Variants in HERC4 observed in about 807,000 individuals in gnomAD.
The protein encoded by HERC4 is probable E3 ubiquitin-protein ligase HERC4.
HERC4 carries 28 observed loss-of-function variants against 124.3 expected under a neutral mutation model. The observed-to-expected ratio is 0.23, with a 90% CI of 0.17 to 0.31. HERC4 has a LOEUF of 0.31. Among genes scored for constraint, HERC4 ranks in the 10% least tolerant of loss-of-function variants. The probability of loss-of-function intolerance (pLI) is 1.00; values close to 1 mark genes in which losing one functional copy is unlikely to be tolerated. For synonymous variants in HERC4, 407 were observed against 421.5 expected (o/e 0.97, Z 0.42); for missense variants, 713 against 1,229.3 (o/e 0.58, Z 6.28).
chr10:68,047,854 A>G (rs192909168), intron 3 of HERC4, among the ~76,000 whole-genome samples: 32 of 152,318 alleles, frequency 2.1e-4, no homozygotes, highest in Non-Finnish European at 3.7e-4. Flanking sequence ...TACTCTTACC[A>G]TATGACCCAA....
intron 22 of HERC4, among the ~76,000 whole-genome samples, chr10:67,934,010 T>C (rs930441865): frequency 6.6e-6 from 1 of 152,226 alleles, no homozygotes. Flanking sequence ...AACTCTGTCC[T>C]GCACTTCTCT....
At chr10:68,021,396 C>T (rs1357527892) in intron 8 of HERC4, among the ~76,000 whole-genome samples, 1 of 152,218 alleles carries the variant, frequency 6.6e-6, no homozygotes. Flanking sequence ...ACACAATCAT[C>T]TGAATTGATG....
intron 18 of HERC4, 99 bp from the exon 19 acceptor site, chr10:67,954,837 TAATA>T (rs2034037056): frequency 8.3e-7 from 1 of 1,209,404 alleles, no homozygotes; most frequent in Admixed American, 2.9e-5. Context: ...ACTCTACAAT[TAATA>T]GTTTAAAATA....
chr10:68,010,136 A>C (rs943829809), intron 9 of HERC4: 1 of 860,580 alleles, frequency 1.2e-6, no homozygotes, highest in Non-Finnish European at 1.8e-6. Flanking sequence ...GCCCTGGCAC[A>C]AACTCCGGGT....
chr10:67,987,617 A>G (rs1419903010), intron 15 of HERC4, among the ~76,000 whole-genome samples: 1 of 152,186 alleles, frequency 6.6e-6, no homozygotes, highest in Non-Finnish European at 1.5e-5. Flanking sequence ...AAACATAAGA[A>G]TGACCTGTTT....
chr10:68,045,680 G>GT (rs1367207181), intron 3 of HERC4, among the ~76,000 whole-genome samples: 1 of 152,122 alleles, frequency 6.6e-6, no homozygotes, highest in African/African-American at 2.4e-5. Flanking sequence ...AGTATCACAA[G>GT]TTTTTTAAAA....
chr10:67,988,067 C>A (rs1192375700), intron 15 of HERC4: 1 of 152,098 alleles, frequency 6.6e-6, no homozygotes, highest in Non-Finnish European at 1.5e-5. Flanking sequence ...GAAAATCCAT[C>A]TTTAATGAAA....
At chr10:68,019,530 G>A (rs1395770594) in intron 8 of HERC4, among the ~76,000 whole-genome samples, 3 of 152,066 alleles carry the variant, frequency 2.0e-5, no homozygotes, top group Non-Finnish European at 2.9e-5. Context: ...GGGGATTCTT[G>A]GAAAATCGTG....
chr10:67,992,639 T>C lies in HERC4; in HGVS notation c.1113A>G (p.Gly371=). The change falls in exon 10 of 25, where the codon GGA becomes GGG. Residue 371 remains glycine (G), a synonymous_variant. Transcript: ENST00000373700. ...YFCVKRIFSG[G]DQSFSHYSSP... Reference sequence around the variant, plus strand: ...TAGAGTAATGTGAAAAGCTTTGATCTCCCCCTGAGAAAATTCTTTTTACAC... The same window carrying C: ...TAGAGTAATGTGAAAAGCTTTGATCCCCCCCTGAGAAAATTCTTTTTACAC... 6.4e-7 allele frequency: 1 copy of C among 1,551,860 alleles called. No homozygotes were observed.
At chr10:68,059,473 T>TTATATATTATAATAATATTA (rs1373731849) in intron 3 of HERC4, among the ~76,000 whole-genome samples, 2 of 131,610 alleles carry the variant, frequency 1.5e-5, no homozygotes, top group African/African-American at 5.7e-5. Context: ...ATATTATATA[T>TTATATATTATAATAATATTA]TATAATATTA....
chr10:67,976,987 G>A (rs527263977), intron 15 of HERC4, among the ~76,000 whole-genome samples: 10 of 152,290 alleles, frequency 6.6e-5, no homozygotes, highest in South Asian at 6.2e-4. Flanking sequence ...CACAAGGACC[G>A]CAACTACTAG....
At chr10:68,009,501 A>C (rs930761117) in intron 9 of HERC4, among the ~76,000 whole-genome samples, 1 of 152,158 alleles carries the variant, frequency 6.6e-6, no homozygotes, top group Non-Finnish European at 1.5e-5. Flanking sequence ...CTTTATTGCT[A>C]AAAAATGCTA....
chr10:67,928,118 CT>C (rs2031352985), intron 23 of HERC4, among the ~76,000 whole-genome samples: 1 of 152,070 alleles, frequency 6.6e-6, no homozygotes, highest in African/African-American at 2.4e-5. Flanking sequence ...AACAAACGCC[CT>C]AAGACTGGAG....
chr10:67,979,223 C>T (rs146779582), intron 15 of HERC4, among the ~76,000 whole-genome samples: 195 of 151,946 alleles, frequency 1.3e-3, no homozygotes, highest in South Asian at 5.4e-3. Flanking sequence ...TTTGAAGAAA[C>T]TCAAAGAAAT....
intron 3 of HERC4, among the ~76,000 whole-genome samples, chr10:68,058,860 G>A (rs2040685631): frequency 1.3e-5 from 2 of 151,942 alleles, no homozygotes; most frequent in Non-Finnish European, 2.9e-5. Context: ...AATTGAATGG[G>A]TAACATATTT....
intron 7 of HERC4, among the ~76,000 whole-genome samples, chr10:68,026,701 G>A (rs563729103): frequency 1.3e-5 from 2 of 152,106 alleles, no homozygotes; most frequent in Non-Finnish European, 2.9e-5. Flanking sequence ...AAAATAGCCA[G>A]GCATGGTGGC....
intron 15 of HERC4, among the ~76,000 whole-genome samples, chr10:67,987,473 C>A (rs2036327346): frequency 6.6e-6 from 1 of 152,160 alleles, no homozygotes; most frequent in African/African-American, 2.4e-5. Context: ...TCTAATTAAT[C>A]TCTTGAATCC....
chr10:68,031,231 A>G (rs2039186016), intron 7 of HERC4, among the ~76,000 whole-genome samples: 1 of 152,202 alleles, frequency 6.6e-6, no homozygotes, highest in African/African-American at 2.4e-5. Context: ...TTATCCTAGA[A>G]CATTAGGATG....
At chr10:67,988,589 A>T in intron 15 of HERC4, 74 bp downstream of exon 15, 1 of 957,700 alleles carries the variant, frequency 1.0e-6, no homozygotes, top group Non-Finnish European at 1.5e-6. Flanking sequence ...TTAATAGATT[A>T]ATGTTAAAAT....
Sources: allele counts gnomAD v4.1 joint callset (sites outside exome capture counted in the v4.1 genomes callset), GRCh38; gene constraint gnomAD v4.1.1; transcripts MANE v1.5; gene names NCBI Gene and HGNC (gene_info 2026-07-23, HGNC 2026-07-21).